Variants in ZNF488 observed in about 807,000 individuals in gnomAD.
ZNF488 encodes zinc finger protein 488.
ZNF488 carries 1 observed loss-of-function variant against 1.2 expected under a neutral mutation model. The ratio of observed to expected loss-of-function variants is 0.86; its 90% CI spans 0.30 to 4.07. The LOEUF is 4.07. Among genes scored for constraint, ZNF488 ranks in the 30% most tolerant of loss-of-function variants. The probability of loss-of-function intolerance (pLI) is 0.18; values close to 1 mark genes in which losing one functional copy is unlikely to be tolerated. For missense variants in ZNF488, 450 were observed against 437.9 expected, an observed-to-expected ratio of 1.03 and a Z score of -0.25; for synonymous variants, 185 against 190.1, an observed-to-expected ratio of 0.97 and a Z score of 0.22.
intron 1 of ZNF488, among the ~76,000 whole-genome samples, chr10:47,380,047 A>T (rs916078476): frequency 8.5e-5 from 13 of 152,248 alleles, no homozygotes; most frequent in Non-Finnish European, 1.6e-4. Context: ...CTAGACGGCG[A>T]TGGATCTATG....
intron 1 of ZNF488, among the ~76,000 whole-genome samples, chr10:47,374,658 A>G (rs981930275): frequency 1.3e-5 from 2 of 152,182 alleles, no homozygotes; most frequent in Non-Finnish European, 2.9e-5. Context: ...CAGAAAAAAA[A>G]GCCTAACCAT....
At chr10:47,375,001 C>T (rs1837624695) in intron 1 of ZNF488, among the ~76,000 whole-genome samples, 1 of 152,220 alleles carries the variant, frequency 6.6e-6, no homozygotes, top group Non-Finnish European at 1.5e-5. Flanking sequence ...GAACCAATGA[C>T]AGTATCTGTT....
chr10:47,378,846 A>T (rs559300853), intron 1 of ZNF488, among the ~76,000 whole-genome samples: 1 of 152,354 alleles, frequency 6.6e-6, no homozygotes, highest in Admixed American at 6.5e-5. Flanking sequence ...CACGTGGTGC[A>T]GCAGGCTCCA....
intron 1 of ZNF488, among the ~76,000 whole-genome samples, chr10:47,374,810 C>T (rs933042480): frequency 1.3e-5 from 2 of 152,194 alleles, no homozygotes; most frequent in Non-Finnish European, 2.9e-5. Flanking sequence ...ATGCCAAAGA[C>T]TTCAGCTCAT....
chr10:47,381,472 C>T (rs1555215396), intron 1 of ZNF488, among the ~76,000 whole-genome samples: 1 of 152,286 alleles, frequency 6.6e-6, no homozygotes, highest in Admixed American at 6.5e-5. Context: ...AGGAATCCTC[C>T]TGGCTCTGGC....
At chr10:47,372,729 G>A (rs1216930834) in intron 1 of ZNF488, among the ~76,000 whole-genome samples, 2 of 152,182 alleles carry the variant, frequency 1.3e-5, no homozygotes, top group East Asian at 1.9e-4. Context: ...GAAAGTACTG[G>A]TCTCAGACTA....
chr10:47,377,931 G>T (rs1242587902), intron 1 of ZNF488, among the ~76,000 whole-genome samples: 6 of 152,142 alleles, frequency 3.9e-5, no homozygotes, highest in Admixed American at 3.9e-4. Flanking sequence ...GCCACTTCAG[G>T]CACCTGGGGA....
intron 1 of ZNF488, among the ~76,000 whole-genome samples, chr10:47,374,163 G>C (rs1837587316): frequency 6.6e-6 from 1 of 152,206 alleles, no homozygotes; most frequent in African/African-American, 2.4e-5. Flanking sequence ...TGAGGAGGCT[G>C]CACCAGGTGT....
rs182445938 is a variant in ZNF488 at position 47,368,529 on chromosome 10, C to G, written c.301G>C (p.Ala101Pro). Reference protein sequence around the residue: ...PKTRGEQRQSAFTELPRMKDR... With the variant: ...PKTRGEQRQSPFTELPRMKDR... Reference sequence around the variant, plus strand: ...TTCATCCTCGGCAGCTCCGTGAAGGCGCTCTGCCTCTGCTCTCCACGTGTC... The same window carrying G: ...TTCATCCTCGGCAGCTCCGTGAAGGGGCTCTGCCTCTGCTCTCCACGTGTC... The change falls in exon 2 of 2, where the codon GCC (alanine) becomes CCC (proline). Residue 101 changes from alanine to proline, a missense_variant. Ala to Pro is a conservative substitution (Grantham distance 27, BLOSUM62 -1). Transcript: ENST00000585316. 2 of 1,613,464 alleles carry G rather than the reference C, an allele frequency of 1.2e-6. No individual in the cohort carries two copies. Among genetic ancestry groups the G allele is most frequent in the Non-Finnish European group, 1.7e-6 (2 of 1,179,962 alleles).
intron 1 of ZNF488, among the ~76,000 whole-genome samples, chr10:47,376,157 C>T (rs1837674545): frequency 6.6e-6 from 1 of 152,154 alleles, no homozygotes. Flanking sequence ...GAGACAAGCC[C>T]ACTTGAGTGG....
rs202179436 is a variant in ZNF488 at position 47,368,347 on chromosome 10, G to A, written c.483C>T (p.Ser161=). 29 of 1,614,154 alleles carry A rather than the reference G, an allele frequency of 1.8e-5. No individual in the cohort carries two copies. The Admixed American group carries it at 2.3e-4, about 13-fold the overall frequency. The change falls in exon 2 of 2, where the codon AGC becomes AGT. Residue 161 remains serine (S), a synonymous_variant. Transcript: ENST00000585316. ...GTCGCTTGGTTGGTTTGCTAAAGGC[G>A]CTTCTTTGCTCACTTCGTGCTCCGC... The part of the protein sequence containing the change: ...WPSGARSEQR[S]AFSKPTKRPA...
At chr10:47,380,133 G>C (rs1343649530) in intron 1 of ZNF488, among the ~76,000 whole-genome samples, 1 of 152,276 alleles carries the variant, frequency 6.6e-6, no homozygotes, top group South Asian at 2.1e-4. Flanking sequence ...AGTAGGTTCA[G>C]TTCACACCCG....
At chr10:47,378,838 C>T (rs552231226) in intron 1 of ZNF488, among the ~76,000 whole-genome samples, 26 of 152,342 alleles carry the variant, frequency 1.7e-4, no homozygotes, top group African/African-American at 5.3e-4. Context: ...ACGCAAACCA[C>T]GTGGTGCAGC....
chr10:47,369,428 A>G (rs1285075513), intron 1 of ZNF488, among the ~76,000 whole-genome samples: 3 of 152,130 alleles, frequency 2.0e-5, no homozygotes, highest in Non-Finnish European at 2.9e-5. Context: ...CTGAGTGCTG[A>G]GGGCACAGGG....
intron 1 of ZNF488, among the ~76,000 whole-genome samples, 189 bp downstream of exon 1, chr10:47,384,031 C>G (rs1033861817): frequency 2.0e-5 from 3 of 152,048 alleles, no homozygotes; most frequent in Non-Finnish European, 4.4e-5. Context: ...GGAACAGAAA[C>G]GGGGATGGGA....
chr10:47,380,713 A>T (rs782692802), intron 1 of ZNF488, among the ~76,000 whole-genome samples: 9 of 54,418 alleles, frequency 1.7e-4, no homozygotes, highest in Non-Finnish European at 2.8e-4. Flanking sequence ...GTAACCTTCG[A>T]GCCTTCCATC....
intron 1 of ZNF488, among the ~76,000 whole-genome samples, chr10:47,377,613 C>T (rs1034162020): frequency 2.0e-5 from 3 of 149,084 alleles, no homozygotes; most frequent in African/African-American, 7.5e-5. Context: ...CACACACACA[C>T]ACACACACAC....
chr10:47,371,463 T>C (rs1365614981), intron 1 of ZNF488, among the ~76,000 whole-genome samples: 2 of 152,100 alleles, frequency 1.3e-5, no homozygotes, highest in Admixed American at 1.3e-4. Flanking sequence ...CCATATAACA[T>C]ATAGTATACA....
At chr10:47,372,165 T>G (rs1224171505) in intron 1 of ZNF488, among the ~76,000 whole-genome samples, 1 of 152,228 alleles carries the variant, frequency 6.6e-6, no homozygotes, top group Non-Finnish European at 1.5e-5. Flanking sequence ...ACTGACTGAA[T>G]TCTAAGTAGT....
Sources: gnomAD v4.1 joint callset for allele counts (sites outside exome capture counted in the v4.1 genomes callset) on GRCh38, gnomAD v4.1.1 for gene constraint, MANE v1.5 for transcripts, NCBI Gene and HGNC (gene_info 2026-07-23, HGNC 2026-07-21) for gene names.